JMJD1C: variants seen among roughly 807,000 people sequenced by gnomAD.
JMJD1C encodes the protein jumonji domain containing 1C.
In JMJD1C, 31 loss-of-function variants were observed where a neutral mutation model predicts 245.3. That is an observed-to-expected ratio of 0.13 (90% CI 0.09 to 0.17). The LOEUF (loss-of-function observed/expected upper bound fraction) is 0.17. JMJD1C is among the 10% of genes least tolerant of loss of function. JMJD1C has a pLI of 1.00. For synonymous variants in JMJD1C, 1,057 were observed against 1,017.4 expected (o/e 1.04, Z -0.74); for missense variants, 2,691 against 3,000.2 (o/e 0.90, Z 2.41).
intron 1 of JMJD1C, among the ~76,000 whole-genome samples, chr10:63,395,294 T>G (rs1399116678): frequency 6.6e-6 from 1 of 152,038 alleles, no homozygotes; most frequent in East Asian, 1.9e-4. Context: ...CTGACTAACA[T>G]GGTGAAACCC....
chr10:63,284,019 T>C (rs557621556), intron 2 of JMJD1C, among the ~76,000 whole-genome samples: 2 of 143,010 alleles, frequency 1.4e-5, no homozygotes, highest in African/African-American at 5.2e-5. Flanking sequence ...TCTTTTCTTC[T>C]TTTTTTTTTT....
Position 63,184,727 on chromosome 10 carries a change from A to G in JMJD1C, c.6842T>C (p.Leu2281Pro). The G allele has an allele frequency of 6.2e-7, 1 of 1,607,644 alleles. No individual in the cohort carries two copies. The highest frequency in any genetic ancestry group is 8.5e-7 in the Non-Finnish European group (1 of 1,177,924). Residue 2281 changes from leucine to proline, a missense_variant, in exon 21 of 26, where the codon CTT becomes CCT. Around this residue, in one of 9 missense-constraint regions of JMJD1C, gnomAD observed 232 missense variants for 416.1 expected, o/e 0.56. Coordinates refer to ENST00000399262, the MANE Select transcript of JMJD1C (RefSeq NM_032776.3). ...KTMMPARYED[L>P]LKSLPLPEYC... is the part of the protein sequence containing the mutation. ...TTCTGGCAATGGCAGACTTTTTAAAAGATCTTCGTATCTGAAGAAAAACAA... is the reference window on the plus strand; with the variant it reads ...TTCTGGCAATGGCAGACTTTTTAAAGGATCTTCGTATCTGAAGAAAAACAA...
chr10:63,350,355 T>C (rs1944247362), intron 2 of JMJD1C, among the ~76,000 whole-genome samples: 1 of 152,192 alleles, frequency 6.6e-6, no homozygotes, highest in Non-Finnish European at 1.5e-5. Flanking sequence ...ATACTGCCAA[T>C]TTTATTGCTG....
chr10:63,474,854 A>AT (rs1230026173), intron 1 of JMJD1C, among the ~76,000 whole-genome samples: 1 of 144,600 alleles, frequency 6.9e-6, no homozygotes, highest in East Asian at 2.2e-4. Flanking sequence ...CTCTCAAATT[A>AT]TTAAAAAAAA....
chr10:63,405,229 A>G (rs913433369), intron 1 of JMJD1C, among the ~76,000 whole-genome samples: 3 of 152,154 alleles, frequency 2.0e-5, no homozygotes, highest in African/African-American at 7.2e-5. Context: ...CTCAAGACCC[A>G]AAAAGATTAA....
In JMJD1C at chr10:63,224,317, CA is replaced by C. The variant is rs530038575; in HGVS notation, c.448-4335del. Among the ~76,000 whole-genome samples, 237 of 152,146 alleles carry C rather than the reference CA, an allele frequency of 1.6e-3. 1 individual carries two copies. The highest frequency in any genetic ancestry group is 2.4e-3 in the Non-Finnish European group (162 of 67,998). On this transcript the variant is annotated intron_variant, in intron 3 of 25. Transcript: ENST00000399262. ...TTTTAATAAGATTTTTTCTTATGTA[CA>C]AAAATTAGCTTTCTTAAAATATCTA...
At chr10:63,398,991 C>T (rs10822167) in intron 1 of JMJD1C, among the ~76,000 whole-genome samples, 100,633 of 152,150 alleles carry the variant, frequency 0.66, 36,084 homozygotes, top group Non-Finnish European at 0.81. Flanking sequence ...AAACCTTTCG[C>T]TTCTTGGAGG....
chr10:63,186,457 G>A, intron 18 of JMJD1C, 74 bp from the exon 19 acceptor site: 1 of 1,253,346 alleles, frequency 8.0e-7, no homozygotes, highest in Non-Finnish European at 1.1e-6. Flanking sequence ...TTGTTTGTTT[G>A]AGACAGAGTC....
intron 1 of JMJD1C, among the ~76,000 whole-genome samples, chr10:63,445,306 G>T (rs150197112): frequency 6.6e-6 from 1 of 152,180 alleles, no homozygotes; most frequent in Non-Finnish European, 1.5e-5. Flanking sequence ...GTTGACAGAG[G>T]AGGGAAGAGG....
chr10:63,395,046 A>C lies in JMJD1C; in HGVS notation c.169-14564T>G, dbSNP rs147768542. Among the ~76,000 whole-genome samples, 3 of 152,322 alleles carry C rather than the reference A, an allele frequency of 2.0e-5. No homozygotes were observed. The East Asian group carries it at 5.8e-4, about 29-fold the overall frequency. On this transcript the variant is annotated intron_variant, in intron 1 of 25. Transcript: ENST00000399262. Reference sequence around the variant, plus strand: ...AGAAAATTAATTCAAAAATATGGGCAAAAGATTTGAACATGTACTTCACTA... The same window carrying C: ...AGAAAATTAATTCAAAAATATGGGCCAAAGATTTGAACATGTACTTCACTA...
chr10:63,337,866 G>T lies in JMJD1C; in HGVS notation c.333+42452C>A, dbSNP rs369710514. On this transcript the variant is annotated intron_variant, in intron 2 of 25. Transcript: ENST00000399262. Reference sequence around the variant, plus strand: ...CTATAGTAAGAAATCTCTTCGCAAAGTATTTGATAATTTAAAATTGTAAAC... The same window carrying T: ...CTATAGTAAGAAATCTCTTCGCAAATTATTTGATAATTTAAAATTGTAAAC... Among the ~76,000 whole-genome samples, 10 of 152,232 alleles carry T rather than the reference G, an allele frequency of 6.6e-5. 1 individual carries two copies. Among genetic ancestry groups the T allele is most frequent in the African/African-American group, 2.4e-4 (10 of 41,524 alleles).
chr10:63,424,416 T>C (rs752294124), intron 1 of JMJD1C, among the ~76,000 whole-genome samples: 7 of 152,078 alleles, frequency 4.6e-5, no homozygotes, highest in Admixed American at 2.6e-4. Flanking sequence ...ATAAAACTAT[T>C]GTTTATATGG....
intron 2 of JMJD1C, among the ~76,000 whole-genome samples, chr10:63,276,800 C>A (rs1471058279): frequency 6.6e-6 from 1 of 151,798 alleles, no homozygotes; most frequent in Non-Finnish European, 1.5e-5. Flanking sequence ...TAACAGTAGT[C>A]CCACAAAATA....
At chr10:63,198,822 A>C (rs1845718190) in intron 11 of JMJD1C, 95 bp from the exon 12 acceptor site, 2 of 614,292 alleles carry the variant, frequency 3.3e-6, no homozygotes, top group Non-Finnish European at 5.3e-6. Context: ...TTTACATTGC[A>C]TTATAAAATA....
chr10:63,460,203 C>A (rs1446769611), intron 1 of JMJD1C, among the ~76,000 whole-genome samples: 1 of 151,960 alleles, frequency 6.6e-6, no homozygotes, highest in African/African-American at 2.4e-5. Flanking sequence ...ATAAGAGAAA[C>A]AAAAAATTTA....
At chr10:63,400,983 T>C (rs1948815090) in intron 1 of JMJD1C, among the ~76,000 whole-genome samples, 1 of 151,090 alleles carries the variant, frequency 6.6e-6, no homozygotes, top group Non-Finnish European at 1.5e-5. Context: ...TTCAGCCTCC[T>C]GAGTAGCTGG....
At chr10:63,174,105 A>C (rs1842651792) in intron 24 of JMJD1C, among the ~76,000 whole-genome samples, 1 of 152,246 alleles carries the variant, frequency 6.6e-6, no homozygotes. Flanking sequence ...TGAAAATGGA[A>C]CAACCAATTT....
chr10:63,395,163 CT>C (rs1345073111), intron 1 of JMJD1C, among the ~76,000 whole-genome samples: 1 of 151,982 alleles, frequency 6.6e-6, no homozygotes, highest in Admixed American at 6.6e-5. Flanking sequence ...CAATGAGCTA[CT>C]ACTACACATC....
intron 13 of JMJD1C, chr10:63,194,685 T>C: frequency 4.2e-6 from 1 of 236,086 alleles, no homozygotes; most frequent in East Asian, 8.9e-5. Context: ...TCTTTGTAGC[T>C]AATCTTCTAT....
Sources: allele counts gnomAD v4.1 joint callset (sites outside exome capture counted in the v4.1 genomes callset), GRCh38; gene constraint gnomAD v4.1.1; regional missense constraint gnomAD v4.1.1; transcripts MANE v1.5; gene names NCBI Gene and HGNC (gene_info 2026-07-23, HGNC 2026-07-21).